STK31: variants seen among roughly 807,000 people sequenced by gnomAD.
The protein encoded by STK31 is serine/threonine kinase 31.
In STK31, 89 loss-of-function variants were observed where a neutral mutation model predicts 129.7. That is an observed-to-expected ratio of 0.69 (90% confidence interval 0.58 to 0.82). The LOEUF (loss-of-function observed/expected upper bound fraction) is 0.82, where lower values mean the gene tolerates loss of function less well. STK31 is among the 40% of genes least tolerant of loss of function. The probability of loss-of-function intolerance (pLI) is 0.00; values close to 1 mark genes in which losing one functional copy is unlikely to be tolerated. For missense variants in STK31, 1,187 were observed against 1,176.4 expected (o/e 1.01, Z -0.13); for synonymous variants, 448 against 395.3 (o/e 1.13, Z -1.58).
intron 23 of STK31, 113 bp from the exon 24 acceptor site, chr7:23,832,023 C>T (rs1794581316): frequency 1.4e-6 from 1 of 720,590 alleles, no homozygotes; most frequent in Non-Finnish European, 2.3e-6. Flanking sequence ...CGTCAGTCAT[C>T]TTGAAACCCC....
chr7:23,734,189 T>C (rs920606167), intron 6 of STK31, among the ~76,000 whole-genome samples: 1 of 152,220 alleles, frequency 6.6e-6, no homozygotes, highest in Non-Finnish European at 1.5e-5. Flanking sequence ...GCATAAACTA[T>C]ATTGTTTTTT....
At chr7:23,832,100 G>T (rs1794586287) in intron 23 of STK31, 36 bp from the exon 24 acceptor site, 2 of 1,463,616 alleles carry the variant, frequency 1.4e-6, no homozygotes, top group South Asian at 2.3e-5. Context: ...TTGTCCTTTT[G>T]TTCCTTTGTT....
intron 8 of STK31, among the ~76,000 whole-genome samples, chr7:23,751,848 A>C (rs1169026650): frequency 6.6e-6 from 1 of 152,008 alleles, no homozygotes; most frequent in Admixed American, 6.6e-5. Flanking sequence ...CCCTGTGCCA[A>C]AGGGAGTTGT....
chr7:23,816,412 C>T (rs1309932683), intron 23 of STK31, among the ~76,000 whole-genome samples: 2 of 152,148 alleles, frequency 1.3e-5, no homozygotes, highest in Non-Finnish European at 2.9e-5. Flanking sequence ...AAACTTAAAA[C>T]TTATATTACA....
intron 15 of STK31, among the ~76,000 whole-genome samples, chr7:23,775,265 G>A (rs975475798): frequency 6.6e-6 from 1 of 152,154 alleles, no homozygotes; most frequent in Non-Finnish European, 1.5e-5. Flanking sequence ...GTAGCATGAT[G>A]CCTCCAGCTT....
chr7:23,818,377 A>G (rs967871556), intron 23 of STK31, among the ~76,000 whole-genome samples: 2 of 152,178 alleles, frequency 1.3e-5, no homozygotes, highest in Non-Finnish European at 2.9e-5. Flanking sequence ...TTTTACAGGC[A>G]GTATATTTTA....
rs70956911 is a variant in STK31 at position 23,717,097 on chromosome 7, C to CTTTTTTTTTTTT, written c.151-367_151-356dup. 2.7e-3 allele frequency among the ~76,000 whole-genome samples: 118 copies of CTTTTTTTTTTTT among 42,950 alleles called. 8 individuals are homozygous for CTTTTTTTTTTTT. The highest frequency in any genetic ancestry group is 4.8e-3 in the African/African-American group (47 of 9,724). The allele number at this position is 42,950 out of a possible 152,430, so 28.2% of individuals were successfully genotyped here. A position where few individuals can be genotyped will look rare whatever the true frequency, so the allele number is the denominator to read the frequency against. ...TACAGGTGTGAGCCATCGCAACCTG[C>CTTTTTTTTTTTT]TTTTTTTTTTTTTTTTTTTTTTTTT... On this transcript the variant is annotated intron_variant, in intron 3 of 23. Transcript: ENST00000355870.
chr7:23,752,610 G>T (rs1562572344), intron 8 of STK31, 107 bp from the exon 9 acceptor site: 5 of 760,010 alleles, frequency 6.6e-6, no homozygotes, highest in Non-Finnish European at 9.1e-6. Context: ...CAAAGTGTTG[G>T]AATTACAGGC....
chr7:23,820,565 T>C (rs74893529), intron 23 of STK31, among the ~76,000 whole-genome samples: 6,764 of 152,308 alleles, frequency 0.044, 194 homozygotes, highest in Middle Eastern at 0.092. Flanking sequence ...TTGAAATATT[T>C]AATACATTGT....
At chr7:23,787,835 GTC>G (rs1404575214) in intron 20 of STK31, 143 bp from the exon 21 acceptor site, 2 of 666,258 alleles carry the variant, frequency 3.0e-6, no homozygotes, top group African/African-American at 3.8e-5. Context: ...CCTTCATCTG[GTC>G]TTTCTCTATG....
intron 22 of STK31, among the ~76,000 whole-genome samples, chr7:23,795,406 G>C (rs759104273): frequency 2.0e-5 from 3 of 152,230 alleles, no homozygotes; most frequent in African/African-American, 7.2e-5. Context: ...GTATGGAAAT[G>C]CCTGGATGTC....
At chr7:23,774,994 T>C (rs1019654211) in intron 15 of STK31, among the ~76,000 whole-genome samples, 6 of 152,202 alleles carry the variant, frequency 3.9e-5, no homozygotes, top group Admixed American at 2.6e-4. Flanking sequence ...TTTCTACATA[T>C]GGCTAGCCCG....
chr7:23,805,207 C>G (rs759137189), intron 22 of STK31, among the ~76,000 whole-genome samples: 67 of 152,150 alleles, frequency 4.4e-4, no homozygotes, highest in Non-Finnish European at 7.4e-4. Flanking sequence ...TCCTGAGTAG[C>G]TGGGATTACA....
intron 4 of STK31, among the ~76,000 whole-genome samples, chr7:23,725,562 C>T (rs918316156): frequency 6.6e-6 from 1 of 151,856 alleles, no homozygotes; most frequent in Non-Finnish European, 1.5e-5. Flanking sequence ...AGTTATCAGC[C>T]TGCAGTGATT....
intron 10 of STK31, among the ~76,000 whole-genome samples, chr7:23,755,762 C>G (rs1458128496): frequency 3.3e-5 from 5 of 152,098 alleles, no homozygotes; most frequent in African/African-American, 1.2e-4. Flanking sequence ...GATGCTTTCC[C>G]AATTGCTTGT....
intron 10 of STK31, among the ~76,000 whole-genome samples, chr7:23,758,394 A>G (rs961105923): frequency 2.6e-4 from 39 of 151,336 alleles, no homozygotes; most frequent in Non-Finnish European, 1.5e-4. Flanking sequence ...CTGTTTTGTT[A>G]CTTTTTTTAA....
chr7:23,831,375 T>C (rs1794535957), intron 23 of STK31, among the ~76,000 whole-genome samples: 1 of 152,202 alleles, frequency 6.6e-6, no homozygotes, highest in Non-Finnish European at 1.5e-5. Context: ...CTTTGTCACT[T>C]TTTGCTCTTT....
chr7:23,785,610 C>T lies in STK31; in HGVS notation c.2274+7C>T. The T allele has an allele frequency of 6.2e-7, 1 of 1,608,164 alleles. No individual in the cohort carries two copies. The highest frequency in any genetic ancestry group is 8.5e-7 in the Non-Finnish European group (1 of 1,175,926). On this transcript the variant is annotated splice_region_variant and intron_variant, in intron 18 of 23. Transcript: ENST00000355870. Reference sequence around the variant, plus strand: ...GCAGATAATTCTGTTAAAGGTAAGTCTAACTTCTTCTTACTTGTGGGAGAT... The same window carrying T: ...GCAGATAATTCTGTTAAAGGTAAGTTTAACTTCTTCTTACTTGTGGGAGAT...
chr7:23,827,213 C>G (rs892019434), intron 23 of STK31, among the ~76,000 whole-genome samples: 1 of 152,206 alleles, frequency 6.6e-6, no homozygotes, highest in Non-Finnish European at 1.5e-5. Flanking sequence ...GTTCCATTCT[C>G]TTCGTCACTT....
Sources: gnomAD v4.1 joint callset for allele counts (sites outside exome capture counted in the v4.1 genomes callset) on GRCh38, gnomAD v4.1.1 for gene constraint, MANE v1.5 for transcripts, NCBI Gene and HGNC (gene_info 2026-07-23, HGNC 2026-07-21) for gene names.